Variants in MED13 observed in about 807,000 individuals in gnomAD.
MED13 encodes mediator complex subunit 13.
A neutral mutation model predicts 225.2 loss-of-function variants in MED13; 23 were observed. The observed-to-expected ratio is 0.10, with a 90% confidence interval of 0.07 to 0.14. MED13 has a LOEUF of 0.14. MED13 is among the 10% of genes least tolerant of loss of function. The pLI is 1.00. For missense variants in MED13, 2,197 were observed against 2,594.5 expected, an observed-to-expected ratio of 0.85 and a Z score of 3.33; for synonymous variants, 942 against 889.2, an observed-to-expected ratio of 1.06 and a Z score of -1.06.
chr17:62,010,114 C>T (rs940035044), intron 9 of MED13, among the ~76,000 whole-genome samples: 1 of 151,482 alleles, frequency 6.6e-6, no homozygotes, highest in African/African-American at 2.4e-5. Context: ...CCCAGCTACT[C>T]GGGAGGCTGA....
chr17:61,966,806 C>CA (rs1256430982), intron 18 of MED13, among the ~76,000 whole-genome samples, 155 bp from the exon 19 acceptor site: 3 of 151,588 alleles, frequency 2.0e-5, no homozygotes, highest in African/African-American at 7.3e-5. Flanking sequence ...AGAAGTAGGC[C>CA]AAAAAAATAA....
chr17:61,968,075 C>G lies in MED13; in HGVS notation c.4151G>C (p.Gly1384Ala), dbSNP rs2080074884. Residue 1384 changes from glycine (G) to alanine (A), a missense_variant, in exon 18 of 30, where the codon GGA (glycine) becomes GCA (alanine). By Grantham distance (60) the Gly-to-Ala change is moderately conservative (BLOSUM62 0). Around this residue, in one of 12 missense-constraint regions of MED13, gnomAD observed 47 missense variants for 93.8 expected, o/e 0.50. Transcript: ENST00000397786. ...AAGATCTCTAAAAAAGCTTTTTGCT[C>G]CATTTAACAAGGCTTCATTTTCTGG... ...LCPENEALLNGAKSFFRDLTA... is the reference protein window; with the variant it reads ...LCPENEALLNAAKSFFRDLTA... 6.2e-7 allele frequency: 1 copy of G among 1,613,778 alleles called. No homozygotes were observed. The highest frequency in any genetic ancestry group is 2.2e-5 in the East Asian group (1 of 44,840).
chr17:62,030,001 G>A lies in MED13; in HGVS notation c.1022C>T (p.Ser341Phe). The change falls in exon 7 of 30, where the codon TCT becomes TTT. Residue 341 changes from serine (S) to phenylalanine (F), a missense_variant. Ser to Phe is a radical substitution (Grantham distance 155). Transcript: ENST00000397786. The part of the protein sequence containing the change: ...PEEVQTVDPQ[S>F]VQKWVKFSSV... Reference sequence around the variant, plus strand: ...AGAAAATTTGACCCACTTCTGGACAGACTGAGGATCAACTGAAAACAAAAC... The same window carrying A: ...AGAAAATTTGACCCACTTCTGGACAAACTGAGGATCAACTGAAAACAAAAC... The A allele has an allele frequency of 6.3e-7, 1 of 1,579,026 alleles. No homozygotes were observed. Among genetic ancestry groups the A allele is most frequent in the Non-Finnish European group, 8.6e-7 (1 of 1,162,678 alleles).
chr17:62,049,930 CAAA>C (rs544006035), intron 3 of MED13, among the ~76,000 whole-genome samples: 1 of 96,246 alleles, frequency 1.0e-5, no homozygotes, highest in African/African-American at 4.6e-5. Flanking sequence ...GCTCTGTCTC[CAAA>C]AAAAAAAAAA....
intron 11 of MED13, among the ~76,000 whole-genome samples, chr17:61,991,473 G>A (rs537168440): frequency 1.3e-5 from 2 of 151,898 alleles, no homozygotes; most frequent in South Asian, 2.1e-4. Context: ...CCAAGTTGCT[G>A]GGACTACATG....
chr17:62,033,741 T>C lies in MED13; in HGVS notation c.814+46A>G, dbSNP rs754013044. On this transcript the variant is annotated intron_variant, in intron 5 of 29. Transcript: ENST00000397786. ...TATTCAGCAAAATATAACTAACACATACAATCATGCATTTTCCCCTTAGGA... is the reference window on the plus strand; with the variant it reads ...TATTCAGCAAAATATAACTAACACACACAATCATGCATTTTCCCCTTAGGA... 8.3e-6 allele frequency: 13 copies of C among 1,563,264 alleles called. No individual in the cohort carries two copies. The East Asian group carries it at 1.8e-4, about 22-fold the overall frequency.
chr17:62,033,721 A>G (rs1214425623), intron 5 of MED13, 66 bp downstream of exon 5: 1 of 1,461,956 alleles, frequency 6.8e-7, no homozygotes, highest in East Asian at 2.3e-5. Flanking sequence ...TTTGTTATTC[A>G]GCAAAATATA....
intron 6 of MED13, 29 bp from the exon 7 acceptor site, chr17:62,030,042 A>G: frequency 6.8e-7 from 1 of 1,466,086 alleles, no homozygotes; most frequent in South Asian, 1.6e-5. Context: ...AACAGGCTGT[A>G]GGAGAATAAA....
At chr17:62,038,492 T>C (rs2080825589) in intron 3 of MED13, among the ~76,000 whole-genome samples, 1 of 152,206 alleles carries the variant, frequency 6.6e-6, no homozygotes, top group Non-Finnish European at 1.5e-5. Context: ...TTAAAAGCAT[T>C]TTTAACATTT....
At chr17:61,986,939 T>A in intron 12 of MED13, 68 bp downstream of exon 12, 1 of 1,144,624 alleles carries the variant, frequency 8.7e-7, no homozygotes, top group South Asian at 2.2e-5. Flanking sequence ...AAATCACTTC[T>A]AAAAAATAAA....
intron 8 of MED13, among the ~76,000 whole-genome samples, chr17:62,020,512 G>T (rs886787764): frequency 1.4e-4 from 22 of 152,124 alleles, no homozygotes; most frequent in Admixed American, 1.2e-3. Context: ...AAGTAGCTGG[G>T]ACTACAGGTG....
intron 4 of MED13, among the ~76,000 whole-genome samples, chr17:62,034,227 G>A (rs529929889): frequency 3.9e-5 from 6 of 152,318 alleles, no homozygotes; most frequent in East Asian, 3.9e-4. Flanking sequence ...GTTCACGCCT[G>A]TAATCCCAGC....
intron 17 of MED13, among the ~76,000 whole-genome samples, chr17:61,970,488 C>T (rs2080097343): frequency 6.6e-6 from 1 of 151,934 alleles, no homozygotes; most frequent in South Asian, 2.1e-4. Context: ...CAAGAACAGA[C>T]TGGGCAAGAT....
At position 61,960,917 on chromosome 17, in the gene MED13, T is replaced by C. The variant is rs763104777; in HGVS notation, c.5430A>G (p.Leu1810=). ...TACAAGTTTCTAAAAGTTCTCCATA[T>C]AGATCTGTGCAAGATGCAAGAATCC... ...QRWILASCTD[L]YGELLETCII... is the part of the protein sequence containing the mutation. Residue 1810 remains leucine (L), a synonymous_variant, in exon 23 of 30, where the codon CTA becomes CTG. Coordinates refer to ENST00000397786, the MANE Select transcript of MED13 (RefSeq NM_005121.3). 4.2e-5 allele frequency: 67 copies of C among 1,613,716 alleles called. No individual in the cohort carries two copies. Among genetic ancestry groups the C allele is most frequent in the Middle Eastern group, 1.7e-4 (1 of 5,984 alleles).
At chr17:62,001,915 C>A (rs2080398733) in intron 9 of MED13, among the ~76,000 whole-genome samples, 1 of 152,106 alleles carries the variant, frequency 6.6e-6, no homozygotes, top group African/African-American at 2.4e-5. Flanking sequence ...AAAAATAATA[C>A]TCCTAAGAAG....
In MED13 at chr17:62,033,999, C is replaced by G; in HGVS notation, c.617-15G>C. 6.2e-7 allele frequency: 1 copy of G among 1,607,808 alleles called. No individual in the cohort carries two copies. Among genetic ancestry groups the G allele is most frequent in the Non-Finnish European group, 8.5e-7 (1 of 1,175,748 alleles). On this transcript the variant is annotated splice_polypyrimidine_tract_variant and intron_variant, in intron 4 of 29. Transcript: ENST00000397786. ...GCATAAGATAACTAGAAACCCAAAGCAGACATCAAATAAGTAACAAAAGAC... is the reference window on the plus strand; with the variant it reads ...GCATAAGATAACTAGAAACCCAAAGGAGACATCAAATAAGTAACAAAAGAC...
At chr17:62,062,558 TAAC>T (rs2081046789) in intron 2 of MED13, among the ~76,000 whole-genome samples, 1 of 149,718 alleles carries the variant, frequency 6.7e-6, no homozygotes, top group Non-Finnish European at 1.5e-5. Context: ...CAAATGACAA[TAAC>T]AAAATACATG....
In MED13 at chr17:61,979,068, T is replaced by G. The variant is rs180788665; in HGVS notation, c.3805+3130A>C. On this transcript the variant is annotated intron_variant, in intron 16 of 29. Transcript: ENST00000397786. ...TCAAGAATTAACCAATATTCTCAATTTTATGTGCATGTAAATAATACATTT... is the reference window on the plus strand; with the variant it reads ...TCAAGAATTAACCAATATTCTCAATGTTATGTGCATGTAAATAATACATTT... Among the ~76,000 whole-genome samples the G allele has an allele frequency of 1.7e-4, 26 of 152,314 alleles. 1 individual carries two copies. In the East Asian group the frequency reaches 3.9e-3, roughly 23 times the overall value.
intron 16 of MED13, among the ~76,000 whole-genome samples, chr17:61,975,373 T>C (rs569084097): frequency 2.0e-5 from 3 of 152,198 alleles, no homozygotes; most frequent in Admixed American, 1.3e-4. Flanking sequence ...TTATTAGTCA[T>C]TAGGGAAATG....
Sources: gnomAD v4.1 joint callset for allele counts (sites outside exome capture counted in the v4.1 genomes callset) on GRCh38, gnomAD v4.1.1 for gene constraint, gnomAD v4.1.1 regional missense constraint, MANE v1.5 for transcripts, NCBI Gene and HGNC (gene_info 2026-07-23, HGNC 2026-07-21) for gene names.